Variants in RIT2 observed in about 807,000 individuals in gnomAD.
RIT2 encodes Ras like without CAAX 2, also known as GTP-binding protein Rit2.
Under a neutral mutation model 23.7 loss-of-function variants are expected in RIT2, and 24 were observed. That is an observed-to-expected ratio of 1.01 (90% CI 0.73 to 1.43). The LOEUF (loss-of-function observed/expected upper bound fraction) is 1.43. Among genes scored for constraint, RIT2 ranks in the 40% most tolerant of loss-of-function variants. The pLI is 0.00. For synonymous variants in RIT2, 107 were observed against 91.1 expected, an observed-to-expected ratio of 1.17 and a Z score of -0.99; for missense variants, 236 against 266.9, an observed-to-expected ratio of 0.88 and a Z score of 0.81.
At chr18:42,910,862 C>G (rs1419414285) in intron 4 of RIT2, among the ~76,000 whole-genome samples, 1 of 152,106 alleles carries the variant, frequency 6.6e-6, no homozygotes, top group Non-Finnish European at 1.5e-5. Context: ...GTAATTATAA[C>G]ATGGGTTTCA....
intron 1 of RIT2, among the ~76,000 whole-genome samples, chr18:43,066,842 T>C (rs1912781918): frequency 6.6e-6 from 1 of 151,750 alleles, no homozygotes; most frequent in Non-Finnish European, 1.5e-5. Context: ...CATGGATCAA[T>C]GTTCCTTTGA....
rs58344278 is a variant in RIT2, at chr18:42,965,711, C to CTTTTTTTTTTTTTTTTTTTTTTTTTTT, written c.234+8336_234+8362dup. Among the ~76,000 whole-genome samples, 7 of 37,786 alleles carry CTTTTTTTTTTTTTTTTTTTTTTTTTTT rather than the reference C, an allele frequency of 1.9e-4. 1 individual carries two copies. The highest frequency in any genetic ancestry group is 2.8e-4 in the African/African-American group (3 of 10,618). The allele number at this position is 37,786 out of a possible 152,430, so 24.8% of individuals were successfully genotyped here. The stretch of plus-strand genomic sequence containing the variant: ...GGTAAACAAAGATGTGTACTGATGG[C>CTTTTTTTTTTTTTTTTTTTTTTTTTTT]TTTTTTTTTTTTTTTTTTTTTTTTT... On this transcript the variant is annotated intron_variant, in intron 3 of 4. Transcript: ENST00000326695.
intron 4 of RIT2, among the ~76,000 whole-genome samples, chr18:42,809,717 T>C (rs1234956193): frequency 6.6e-6 from 1 of 150,930 alleles, no homozygotes; most frequent in Non-Finnish European, 1.5e-5. Context: ...TATTTCAAGA[T>C]AGCTAGAAGA....
At chr18:43,084,340 A>T (rs1449216235) in intron 1 of RIT2, among the ~76,000 whole-genome samples, 1 of 152,170 alleles carries the variant, frequency 6.6e-6, no homozygotes, top group Non-Finnish European at 1.5e-5. Context: ...TTCCTCAAGG[A>T]TCTGGAACCA....
intron 4 of RIT2, among the ~76,000 whole-genome samples, chr18:42,826,881 A>G (rs1292972791): frequency 6.6e-6 from 1 of 152,190 alleles, no homozygotes; most frequent in Non-Finnish European, 1.5e-5. Flanking sequence ...AATAAAATAC[A>G]TACTTATAAA....
chr18:42,881,261 T>C (rs1196437154), intron 4 of RIT2, among the ~76,000 whole-genome samples: 2 of 152,214 alleles, frequency 1.3e-5, no homozygotes, highest in Non-Finnish European at 2.9e-5. Flanking sequence ...TTGTTTTCCA[T>C]ATCCAATTGG....
At chr18:42,833,523 G>A (rs1906518804) in intron 4 of RIT2, among the ~76,000 whole-genome samples, 1 of 152,128 alleles carries the variant, frequency 6.6e-6, no homozygotes, top group Admixed American at 6.5e-5. Context: ...GGGCACGAAA[G>A]CTACTTTAAT....
At chr18:42,826,694 C>T (rs558455448) in intron 4 of RIT2, among the ~76,000 whole-genome samples, 1 of 152,122 alleles carries the variant, frequency 6.6e-6, no homozygotes, top group East Asian at 1.9e-4. Context: ...TATTTACTGA[C>T]AATTTGATAT....
chr18:43,060,336 A>C (rs1912615533), intron 1 of RIT2, among the ~76,000 whole-genome samples: 1 of 152,134 alleles, frequency 6.6e-6, no homozygotes, highest in African/African-American at 2.4e-5. Flanking sequence ...TTGAGTAATA[A>C]AACTTCCTCA....
chr18:43,039,636 C>T (rs1009961092), intron 1 of RIT2, among the ~76,000 whole-genome samples: 5 of 152,154 alleles, frequency 3.3e-5, no homozygotes, highest in Non-Finnish European at 5.9e-5. Flanking sequence ...GCGTGAGCCA[C>T]CACACCTGAC....
intron 4 of RIT2, among the ~76,000 whole-genome samples, chr18:42,895,591 ATGTAAAAAT>A (rs1004890823): frequency 7.9e-5 from 12 of 152,206 alleles, no homozygotes; most frequent in Admixed American, 7.9e-4. Flanking sequence ...AAGGGCCACT[ATGTAAAAAT>A]CTGATTGGAT....
chr18:42,750,149 T>C (rs1445103775), intron 4 of RIT2, among the ~76,000 whole-genome samples: 1 of 151,840 alleles, frequency 6.6e-6, no homozygotes, highest in Non-Finnish European at 1.5e-5. Context: ...TAGTATAGTT[T>C]TCTATTTACA....
intron 2 of RIT2, among the ~76,000 whole-genome samples, chr18:43,012,362 T>A (rs11660877): frequency 1.1e-3 from 169 of 151,954 alleles, no homozygotes; most frequent in African/African-American, 1.4e-3. Flanking sequence ...AATTTGTATA[T>A]ATGAACTTTT....
At chr18:43,025,660 T>TA (rs1408896412) in intron 2 of RIT2, among the ~76,000 whole-genome samples, 2 of 151,964 alleles carry the variant, frequency 1.3e-5, no homozygotes, top group East Asian at 1.9e-4. Flanking sequence ...TACTAAATCA[T>TA]AAAAAAAGAA....
chr18:42,845,263 A>C (rs2144029320), intron 4 of RIT2, among the ~76,000 whole-genome samples: 1 of 152,224 alleles, frequency 6.6e-6, no homozygotes, highest in Admixed American at 6.5e-5. Flanking sequence ...TTAAAGGCCA[A>C]AGTGAAGAGA....
chr18:43,054,362 G>A (rs542505759), intron 1 of RIT2, among the ~76,000 whole-genome samples: 1 of 152,108 alleles, frequency 6.6e-6, no homozygotes, highest in African/African-American at 2.4e-5. Flanking sequence ...GAAGAGTTAG[G>A]AATTTCACAA....
intron 4 of RIT2, among the ~76,000 whole-genome samples, chr18:42,880,939 C>A (rs905472524): frequency 1.3e-5 from 2 of 151,806 alleles, no homozygotes; most frequent in African/African-American, 2.4e-5. Context: ...TCCCAAGTAG[C>A]TGGGATTACA....
chr18:42,806,295 C>G (rs1333951935), intron 4 of RIT2, among the ~76,000 whole-genome samples: 2 of 151,396 alleles, frequency 1.3e-5, no homozygotes, highest in African/African-American at 2.4e-5. Context: ...ATGGTAAAAC[C>G]TCATCTCTAC....
intron 4 of RIT2, among the ~76,000 whole-genome samples, chr18:42,747,371 C>G (rs889791090): frequency 1.3e-5 from 2 of 152,004 alleles, no homozygotes; most frequent in Non-Finnish European, 2.9e-5. Context: ...ACAAGGAAAA[C>G]TACAGAACAC....
Sources: gnomAD v4.1 joint callset for allele counts (sites outside exome capture counted in the v4.1 genomes callset) on GRCh38, gnomAD v4.1.1 for gene constraint, MANE v1.5 for transcripts, NCBI Gene and HGNC (gene_info 2026-07-23, HGNC 2026-07-21) for gene names.